ASIC2: variants seen among roughly 807,000 people sequenced by gnomAD.
The protein encoded by ASIC2 is acid sensing ion channel subunit 2.
ASIC2 carries 25 observed loss-of-function variants against 57.3 expected under a neutral mutation model. The observed-to-expected ratio is 0.44, with a 90% CI of 0.32 to 0.61. The LOEUF is 0.61. Ranked by LOEUF, ASIC2 falls within the 20% of genes least tolerant of loss-of-function variation. The pLI, the probability that ASIC2 is intolerant of heterozygous loss-of-function variation, is 0.06. For synonymous variants in ASIC2, 319 were observed against 307.5 expected (o/e 1.04, Z -0.39); for missense variants, 641 against 738.1 (o/e 0.87, Z 1.52).
At chr17:33,489,821 G>A (rs935530734) in intron 1 of ASIC2, among the ~76,000 whole-genome samples, 6 of 152,314 alleles carry the variant, frequency 3.9e-5, no homozygotes, top group Admixed American at 2.6e-4. Context: ...CCATGTCTGG[G>A]ACATGGGAAT....
intron 1 of ASIC2, among the ~76,000 whole-genome samples, chr17:33,578,882 G>A (rs1916743532): frequency 6.6e-6 from 1 of 152,204 alleles, no homozygotes; most frequent in Admixed American, 6.5e-5. Context: ...AGTGACCGTG[G>A]TAAAACCCTG....
At chr17:33,123,423 C>T (rs954350892) in intron 1 of ASIC2, among the ~76,000 whole-genome samples, 1 of 152,174 alleles carries the variant, frequency 6.6e-6, no homozygotes, top group African/African-American at 2.4e-5. Flanking sequence ...CATGATCTCA[C>T]TTATATATGT....
chr17:33,179,302 C>T (rs1347714900), intron 1 of ASIC2, among the ~76,000 whole-genome samples: 1 of 152,076 alleles, frequency 6.6e-6, no homozygotes, highest in Non-Finnish European at 1.5e-5. Context: ...GGACGTTTTG[C>T]AACTACCACA....
chr17:33,969,094 G>A (rs1395185033), intron 1 of ASIC2, among the ~76,000 whole-genome samples: 2 of 152,162 alleles, frequency 1.3e-5, no homozygotes, highest in African/African-American at 2.4e-5. Flanking sequence ...TCAGACGTCT[G>A]TATTTGCATA....
intron 5 of ASIC2, among the ~76,000 whole-genome samples, chr17:33,025,169 C>T (rs992652369): frequency 1.3e-5 from 2 of 152,140 alleles, no homozygotes; most frequent in African/African-American, 2.4e-5. Context: ...AGATGCTGAA[C>T]GAACTTGAGG....
At chr17:33,766,189 A>G (rs1429169948) in intron 1 of ASIC2, among the ~76,000 whole-genome samples, 2 of 152,190 alleles carry the variant, frequency 1.3e-5, no homozygotes. Context: ...TTATTGCAGT[A>G]TATTGTTATA....
intron 1 of ASIC2, among the ~76,000 whole-genome samples, chr17:33,410,087 G>A (rs982774911): frequency 3.9e-5 from 6 of 152,206 alleles, no homozygotes; most frequent in Non-Finnish European, 5.9e-5. Flanking sequence ...CTAGGAGCCA[G>A]CTTCAAAGAT....
chr17:33,758,777 CAAG>C (rs1300378167), intron 1 of ASIC2, among the ~76,000 whole-genome samples: 1 of 152,210 alleles, frequency 6.6e-6, no homozygotes, highest in Non-Finnish European at 1.5e-5. Context: ...GAGTTCCCAA[CAAG>C]AAGAAGGCTC....
chr17:33,244,656 G>A (rs969444945), intron 1 of ASIC2, among the ~76,000 whole-genome samples: 5 of 152,110 alleles, frequency 3.3e-5, no homozygotes, highest in African/African-American at 1.2e-4. Context: ...GCTTGTCCTG[G>A]CCACACCTTG....
At chr17:33,498,432 A>G (rs1025626803) in intron 1 of ASIC2, among the ~76,000 whole-genome samples, 1 of 152,212 alleles carries the variant, frequency 6.6e-6, no homozygotes, top group African/African-American at 2.4e-5. Flanking sequence ...CTCTTGGGTG[A>G]GTGAGTGTTA....
chr17:33,927,661 C>T (rs575959675), intron 1 of ASIC2, among the ~76,000 whole-genome samples: 1 of 152,136 alleles, frequency 6.6e-6, no homozygotes, highest in Non-Finnish European at 1.5e-5. Context: ...AGAATTAAGA[C>T]ACTATTATTT....
intron 1 of ASIC2, among the ~76,000 whole-genome samples, chr17:33,873,043 C>G (rs776847571): frequency 6.6e-6 from 1 of 152,130 alleles, no homozygotes; most frequent in Non-Finnish European, 1.5e-5. Context: ...AATCTGACAT[C>G]ATAAAAACCC....
chr17:33,739,375 C>G (rs539617499), intron 1 of ASIC2, among the ~76,000 whole-genome samples: 4 of 152,228 alleles, frequency 2.6e-5, no homozygotes, highest in Non-Finnish European at 4.4e-5. Context: ...CAGGTCTCAG[C>G]TCTGTCACTG....
rs551384603 is a variant in ASIC2, at chr17:33,417,573, T to C, written c.556-305506A>G. Among the ~76,000 whole-genome samples the C allele has an allele frequency of 8.5e-5, 13 of 152,314 alleles. No individual in the cohort carries two copies. In the East Asian group the frequency reaches 2.5e-3, roughly 29 times the overall value. On this transcript the variant is annotated intron_variant, in intron 1 of 9. Transcript: ENST00000359872. The stretch of plus-strand genomic sequence containing the variant: ...ATCAAGTCCTCAGTGGGCTCTTTCA[T>C]GCTAGGCACTGGGGATGTGAAAACA...
intron 1 of ASIC2, among the ~76,000 whole-genome samples, chr17:33,824,258 T>G (rs1042261498): frequency 6.6e-6 from 1 of 152,154 alleles, no homozygotes; most frequent in Admixed American, 6.5e-5. Flanking sequence ...GATAGGTAAC[T>G]CCGTGTCCTT....
At chr17:33,769,808 G>A (rs995875864) in intron 1 of ASIC2, among the ~76,000 whole-genome samples, 1 of 152,216 alleles carries the variant, frequency 6.6e-6, no homozygotes, top group Non-Finnish European at 1.5e-5. Context: ...GTCTAGTGAG[G>A]CTCACTTCCT....
At chr17:34,149,872 G>A (rs1904444207) in intron 1 of ASIC2, among the ~76,000 whole-genome samples, 1 of 152,176 alleles carries the variant, frequency 6.6e-6, no homozygotes, top group Non-Finnish European at 1.5e-5. Context: ...ATATGATCTA[G>A]CAATCCCACT....
At chr17:33,814,263 A>T (rs1912513353) in intron 1 of ASIC2, among the ~76,000 whole-genome samples, 1 of 152,192 alleles carries the variant, frequency 6.6e-6, no homozygotes, top group Admixed American at 6.5e-5. Flanking sequence ...TGGGAAGCAA[A>T]GAAAAAGCAA....
chr17:33,782,719 C>T (rs1411985221), intron 1 of ASIC2, among the ~76,000 whole-genome samples: 2 of 152,096 alleles, frequency 1.3e-5, no homozygotes, highest in Non-Finnish European at 2.9e-5. Flanking sequence ...CAAAGCAAGG[C>T]CCTGCCACTC....
Sources: gnomAD v4.1 joint callset for allele counts (sites outside exome capture counted in the v4.1 genomes callset) on GRCh38, gnomAD v4.1.1 for gene constraint, MANE v1.5 for transcripts, NCBI Gene and HGNC (gene_info 2026-07-23, HGNC 2026-07-21) for gene names.